Variants in CHL1 observed in about 807,000 individuals in gnomAD.
CHL1 encodes the protein neural cell adhesion molecule L1-like protein.
Under a neutral mutation model 141.9 loss-of-function variants are expected in CHL1, and 96 were observed. The ratio of observed to expected loss-of-function variants is 0.68; its 90% CI spans 0.57 to 0.80. The LOEUF (loss-of-function observed/expected upper bound fraction) is 0.80, where lower values mean the gene tolerates loss of function less well. CHL1 is among the 30% of genes least tolerant of loss of function. The pLI is 0.00. For missense variants in CHL1, 1,820 were observed against 1,457.2 expected (o/e 1.25, Z -4.05); for synonymous variants, 613 against 502.2 (o/e 1.22, Z -2.95).
intron 2 of CHL1, among the ~76,000 whole-genome samples, chr3:314,583 G>C (rs553759155): frequency 6.6e-6 from 1 of 151,882 alleles, no homozygotes; most frequent in African/African-American, 2.4e-5. Context: ...TCTGTGTTCA[G>C]CTGACAGGTT....
At chr3:376,593 G>A (rs1364398610) in intron 15 of CHL1, among the ~76,000 whole-genome samples, 1 of 152,212 alleles carries the variant, frequency 6.6e-6, no homozygotes, top group Non-Finnish European at 1.5e-5. Context: ...CCCCGTGCCA[G>A]GGTATAAATC....
chr3:262,898 G>T (rs1694854756), intron 2 of CHL1, among the ~76,000 whole-genome samples: 1 of 152,164 alleles, frequency 6.6e-6, no homozygotes, highest in African/African-American at 2.4e-5. Flanking sequence ...CCCCACTAGG[G>T]TTTCTGGAGT....
intron 17 of CHL1, 38 bp downstream of exon 17, chr3:382,318 A>G (rs1227898026): frequency 1.9e-6 from 3 of 1,562,466 alleles, no homozygotes; most frequent in Admixed American, 3.4e-5. Flanking sequence ...ATTACTCTAG[A>G]TAGTCAAAAT....
intron 2 of CHL1, among the ~76,000 whole-genome samples, chr3:255,308 C>A (rs542413364): frequency 6.6e-6 from 1 of 152,262 alleles, no homozygotes; most frequent in Non-Finnish European, 1.5e-5. Context: ...TGCTAGGATT[C>A]AAAGGCAACA....
chr3:286,557 G>T (rs567225190), intron 2 of CHL1, among the ~76,000 whole-genome samples: 1 of 149,526 alleles, frequency 6.7e-6, no homozygotes, highest in Non-Finnish European at 1.5e-5. Flanking sequence ...GTTGCAGTGA[G>T]CCGAGATTGC....
chr3:369,034 T>G (rs1705271617), intron 15 of CHL1, among the ~76,000 whole-genome samples: 1 of 152,200 alleles, frequency 6.6e-6, no homozygotes, highest in Non-Finnish European at 1.5e-5. Context: ...GCGTGATGCC[T>G]CCAGCTTTGT....
chr3:246,595 G>C (rs1184003549), intron 2 of CHL1: 1 of 151,940 alleles, frequency 6.6e-6, no homozygotes, highest in East Asian at 1.9e-4. Flanking sequence ...TTTCCTCCCA[G>C]AATACCCAAC....
At chr3:253,121 G>C (rs766415409) in intron 2 of CHL1, among the ~76,000 whole-genome samples, 2 of 152,062 alleles carry the variant, frequency 1.3e-5, no homozygotes, top group Non-Finnish European at 2.9e-5. Flanking sequence ...GTAAAGAGGA[G>C]ATAGTAGTCC....
Position 345,632 on chromosome 3 carries a change from T to C in CHL1, c.848+923T>C, listed in dbSNP as rs1420850071. 7.9e-5 allele frequency among the ~76,000 whole-genome samples: 12 copies of C among 152,122 alleles called. No individual in the cohort carries two copies. In the East Asian group the frequency reaches 9.7e-4, roughly 12 times the overall value. On this transcript the variant is annotated intron_variant, in intron 9 of 27. Transcript: ENST00000256509. Reference sequence around the variant, plus strand: ...CTGAGTAGCTGAAGCTACAGGTGTGTGCCACCACACCTGGCCAGTTTTTTG... The same window carrying C: ...CTGAGTAGCTGAAGCTACAGGTGTGCGCCACCACACCTGGCCAGTTTTTTG...
At chr3:227,508 A>G (rs531276254) in intron 1 of CHL1, among the ~76,000 whole-genome samples, 2 of 152,334 alleles carry the variant, frequency 1.3e-5, no homozygotes, top group South Asian at 2.1e-4. Flanking sequence ...TTCAAAGACA[A>G]TAGGTGATAT....
At chr3:396,792 G>C (rs1484333356) in intron 24 of CHL1, among the ~76,000 whole-genome samples, 1 of 152,024 alleles carries the variant, frequency 6.6e-6, no homozygotes, top group Non-Finnish European at 1.5e-5. Flanking sequence ...GGCATGTCTT[G>C]CTATAAGTAC....
In CHL1 at chr3:379,646, C is replaced by G. The variant is rs568259129; in HGVS notation, c.1876+1704C>G. Among the ~76,000 whole-genome samples, 72 of 152,180 alleles carry G rather than the reference C, an allele frequency of 4.7e-4. No homozygotes were observed. The South Asian group carries it at 0.014, about 30-fold the overall frequency. ...TCCTTACAAAATTTAAAAGTTCATTCTTGCGATTAGGCTGCCATTTTTGGA... is the reference window on the plus strand; with the variant it reads ...TCCTTACAAAATTTAAAAGTTCATTGTTGCGATTAGGCTGCCATTTTTGGA... On this transcript the variant is annotated intron_variant, in intron 16 of 27. Coordinates refer to ENST00000256509, the MANE Select transcript of CHL1 (RefSeq NM_006614.4).
At position 274,620 on chromosome 3, in the gene CHL1, G is replaced by A. The variant is rs145025886; in HGVS notation, c.-95+29928G>A. Among the ~76,000 whole-genome samples, 148 of 152,280 alleles carry A rather than the reference G, an allele frequency of 9.7e-4. 4 individuals are homozygous for A. In the South Asian group the frequency reaches 0.023, roughly 23 times the overall value. Reference sequence around the variant, plus strand: ...ACTCTAGTGAGCTGTAGGCTGACACGTTACCAATAGCTTCTTTTCATTGTA... The same window carrying A: ...ACTCTAGTGAGCTGTAGGCTGACACATTACCAATAGCTTCTTTTCATTGTA... On this transcript the variant is annotated intron_variant, in intron 2 of 27. Coordinates refer to ENST00000256509, the MANE Select transcript of CHL1 (RefSeq NM_006614.4).
At chr3:274,203 A>G (rs953110502) in intron 2 of CHL1, among the ~76,000 whole-genome samples, 2 of 152,310 alleles carry the variant, frequency 1.3e-5, no homozygotes, top group African/African-American at 2.4e-5. Context: ...TCTCAATTCA[A>G]TGATCACTTC....
At chr3:307,932 AT>A (rs1480889582) in intron 2 of CHL1, among the ~76,000 whole-genome samples, 1 of 152,184 alleles carries the variant, frequency 6.6e-6, no homozygotes, top group Non-Finnish European at 1.5e-5. Context: ...AAAGTTAATG[AT>A]TTGTTTTTGT....
chr3:368,259 G>T (rs143832075), intron 15 of CHL1, among the ~76,000 whole-genome samples: 2,117 of 152,224 alleles, frequency 0.014, 49 homozygotes, highest in African/African-American at 0.049. Flanking sequence ...ACCAGCATCT[G>T]TTGTTTCTTG....
chr3:246,166 T>C (rs903857811), intron 2 of CHL1, among the ~76,000 whole-genome samples: 1 of 152,102 alleles, frequency 6.6e-6, no homozygotes, highest in Non-Finnish European at 1.5e-5. Context: ...TCTGAGATAG[T>C]AATGAACAAA....
rs763642714 is a variant in CHL1, at chr3:382,228, G to T, written c.1926G>T (p.Arg642Ser). The change falls in exon 17 of 28, where the codon AGG (arginine) becomes AGT (serine). Residue 642 changes from arginine (R) to serine (S), a missense_variant. By Grantham distance (110) the Arg-to-Ser change is moderately radical. Transcript: ENST00000256509. ...ENLHLSERQN[R>S]SVRLTWEAGA... ...TTCACTTGTCTGAAAGACAGAACAG[G>T]AGTGTTCGGCTGACCTGGGAAGCTG... The T allele has an allele frequency of 6.2e-7, 1 of 1,613,820 alleles. No homozygotes were observed. The highest frequency in any genetic ancestry group is 8.5e-7 in the Non-Finnish European group (1 of 1,179,772).
At chr3:323,138 GT>G (rs1458835524) in intron 3 of CHL1, among the ~76,000 whole-genome samples, 10 of 151,866 alleles carry the variant, frequency 6.6e-5, no homozygotes, top group African/African-American at 2.4e-4. Flanking sequence ...ACAAATTATG[GT>G]TGTTCAGATA....
Sources: allele counts gnomAD v4.1 joint callset (sites outside exome capture counted in the v4.1 genomes callset), GRCh38; gene constraint gnomAD v4.1.1; transcripts MANE v1.5; gene names NCBI Gene and HGNC (gene_info 2026-07-23, HGNC 2026-07-21).